Variants in IFTAP observed in about 807,000 individuals in gnomAD.
The protein encoded by IFTAP is intraflagellar transport-associated protein.
IFTAP carries 19 observed loss-of-function variants against 19.4 expected under a neutral mutation model. The ratio of observed to expected loss-of-function variants is 0.98; its 90% confidence interval spans 0.68 to 1.44. The LOEUF (loss-of-function observed/expected upper bound fraction) is 1.44. IFTAP is among the 40% of genes most tolerant of loss of function. The pLI is 0.00. For synonymous variants in IFTAP, 85 were observed against 83.5 expected, an observed-to-expected ratio of 1.02 and a Z score of -0.10; for missense variants, 240 against 253.6, an observed-to-expected ratio of 0.95 and a Z score of 0.36.
intron 1 of IFTAP, among the ~76,000 whole-genome samples, chr11:36,602,791 A>G (rs773820221): frequency 2.0e-5 from 3 of 151,958 alleles, no homozygotes; most frequent in African/African-American, 4.8e-5. Context: ...GGGGGTGAAG[A>G]TAGGGTGTTT....
intron 5 of IFTAP, among the ~76,000 whole-genome samples, chr11:36,652,734 C>T (rs1002976430): frequency 1.3e-5 from 2 of 152,054 alleles, no homozygotes; most frequent in Admixed American, 6.6e-5. Context: ...CCCATCAATA[C>T]TTAATGTATT....
intron 5 of IFTAP, among the ~76,000 whole-genome samples, chr11:36,657,334 T>C (rs1011700453): frequency 6.6e-6 from 1 of 152,208 alleles, no homozygotes; most frequent in Non-Finnish European, 1.5e-5. Context: ...TAAGCAAGAT[T>C]GTCCCACTGT....
intron 1 of IFTAP, among the ~76,000 whole-genome samples, chr11:36,608,501 A>G (rs1260103358): frequency 2.6e-5 from 4 of 152,218 alleles, no homozygotes. Context: ...CTTTCTGTAG[A>G]TAATTTTCTC....
chr11:36,634,564 AG>A (rs1474328925), intron 3 of IFTAP, among the ~76,000 whole-genome samples: 1 of 152,132 alleles, frequency 6.6e-6, no homozygotes, highest in Admixed American at 6.6e-5. Context: ...CTTTATTTTC[AG>A]TTGTTTCATT....
At chr11:36,628,056 C>T (rs1383489800) in intron 2 of IFTAP, among the ~76,000 whole-genome samples, 1 of 150,094 alleles carries the variant, frequency 6.7e-6, no homozygotes, top group Non-Finnish European at 1.5e-5. Flanking sequence ...GCTGAAGCTC[C>T]CTTTACTTCT....
chr11:36,626,763 A>G (rs1408380135), intron 2 of IFTAP, among the ~76,000 whole-genome samples: 1 of 151,150 alleles, frequency 6.6e-6, no homozygotes, highest in Non-Finnish European at 1.5e-5. Flanking sequence ...GTGATTAGAG[A>G]ATTATAGCCT....
At chr11:36,649,575 C>G (rs1025705999) in intron 5 of IFTAP, among the ~76,000 whole-genome samples, 8 of 151,740 alleles carry the variant, frequency 5.3e-5, no homozygotes, top group Admixed American at 1.3e-4. Context: ...TAATCTAGTA[C>G]AATTATAGAA....
intron 3 of IFTAP, among the ~76,000 whole-genome samples, chr11:36,635,375 C>G (rs1362595411): frequency 1.3e-5 from 2 of 152,088 alleles, no homozygotes; most frequent in Non-Finnish European, 2.9e-5. Flanking sequence ...TCTAAAATGT[C>G]TCATTGTCAG....
At chr11:36,639,077 T>C (rs991875620) in intron 4 of IFTAP, among the ~76,000 whole-genome samples, 1 of 152,216 alleles carries the variant, frequency 6.6e-6, no homozygotes, top group African/African-American at 2.4e-5. Context: ...GTGACTGTCA[T>C]GCCTCAGACA....
chr11:36,634,208 T>C (rs1348834517), intron 3 of IFTAP, among the ~76,000 whole-genome samples: 19 of 152,154 alleles, frequency 1.2e-4, no homozygotes, highest in Admixed American at 1.2e-3. Flanking sequence ...TTATATTATA[T>C]AGAGAGTCTT....
intron 1 of IFTAP, among the ~76,000 whole-genome samples, chr11:36,599,769 C>T (rs979487995): frequency 1.3e-5 from 2 of 151,870 alleles, no homozygotes; most frequent in African/African-American, 4.8e-5. Context: ...TTTTAATCTG[C>T]AAAAGGATAT....
At position 36,633,332 on chromosome 11, in the gene IFTAP, A is replaced by G; in HGVS notation, c.185A>G (p.Asn62Ser). The G allele has an allele frequency of 6.2e-7, 1 of 1,602,304 alleles. No individual in the cohort carries two copies. The highest frequency in any genetic ancestry group is 8.5e-7 in the Non-Finnish European group (1 of 1,175,048). The change falls in exon 3 of 6, where the codon AAC (asparagine) becomes AGC (serine). Residue 62 changes from asparagine (N) to serine (S), a missense_variant. Physicochemically the swap from Asn to Ser is conservative, Grantham distance 46. Transcript: ENST00000334307. Reference protein sequence around the residue: ...RGVFGTDSSENIFTSAKVTHK... With the variant: ...RGVFGTDSSESIFTSAKVTHK... ...GTGTTTGGAACTGATTCTTCAGAAA[A>G]CATTTTTACCTCAGCAAAAGTTACT... is the stretch of plus-strand genomic sequence containing the variant.
At chr11:36,601,170 C>A (rs1851496467) in intron 1 of IFTAP, among the ~76,000 whole-genome samples, 1 of 152,176 alleles carries the variant, frequency 6.6e-6, no homozygotes, top group African/African-American at 2.4e-5. Flanking sequence ...TCAGTGGCAA[C>A]TTTTCATAGC....
intron 2 of IFTAP, among the ~76,000 whole-genome samples, chr11:36,617,045 A>G (rs1194131831): frequency 6.6e-6 from 1 of 151,596 alleles, no homozygotes; most frequent in African/African-American, 2.4e-5. Flanking sequence ...CATAAAACAT[A>G]CACTGGATTT....
chr11:36,599,313 A>C (rs1012470065), intron 1 of IFTAP, among the ~76,000 whole-genome samples: 5 of 152,174 alleles, frequency 3.3e-5, no homozygotes, highest in Non-Finnish European at 7.4e-5. Flanking sequence ...TAATAGTAGC[A>C]TAATTTCTAA....
chr11:36,647,631 A>G (rs1480996147), intron 4 of IFTAP, among the ~76,000 whole-genome samples: 1 of 152,076 alleles, frequency 6.6e-6, no homozygotes, highest in Non-Finnish European at 1.5e-5. Context: ...TCAGTACTCC[A>G]TTTTCTTTCT....
intron 4 of IFTAP, among the ~76,000 whole-genome samples, chr11:36,647,231 C>T (rs1284766116): frequency 1.3e-5 from 2 of 152,054 alleles, no homozygotes; most frequent in Non-Finnish European, 2.9e-5. Context: ...TGGCTAGCTC[C>T]AGCAAGCCCT....
intron 2 of IFTAP, among the ~76,000 whole-genome samples, chr11:36,630,427 A>C (rs1852684885): frequency 6.6e-6 from 1 of 151,372 alleles, no homozygotes. Flanking sequence ...TGTCTTTTAA[A>C]AATGAAAACT....
intron 5 of IFTAP, 41 bp downstream of exon 5, chr11:36,648,196 A>G (rs1351860344): frequency 6.3e-7 from 1 of 1,587,010 alleles, no homozygotes; most frequent in East Asian, 2.3e-5. Flanking sequence ...CACTGCCTTG[A>G]TTTTGTAATT....
Sources: allele counts gnomAD v4.1 joint callset (sites outside exome capture counted in the v4.1 genomes callset), GRCh38; gene constraint gnomAD v4.1.1; transcripts MANE v1.5; gene names NCBI Gene and HGNC (gene_info 2026-07-23, HGNC 2026-07-21).